The following EGFL7 variants were observed in gnomAD, a reference collection of about 807,000 sequenced individuals.
EGFL7 encodes the protein EGF like domain multiple 7.
A neutral mutation model predicts 37.1 loss-of-function variants in EGFL7; 48 were observed. That is an observed-to-expected ratio of 1.29 (90% CI 1.03 to 1.65). The LOEUF is 1.65. EGFL7 is among the 40% of genes most tolerant of loss of function. The pLI, the probability that EGFL7 is intolerant of heterozygous loss-of-function variation, is 0.00. For missense variants in EGFL7, 384 were observed against 378.9 expected (o/e 1.01, Z -0.11); for synonymous variants, 180 against 156.8 (o/e 1.15, Z -1.10).
intron 5 of EGFL7, among the ~76,000 whole-genome samples, 199 bp downstream of exon 5, chr9:136,668,872 A>G (rs1300224772): frequency 6.6e-6 from 1 of 152,042 alleles, no homozygotes; most frequent in Non-Finnish European, 1.5e-5. Context: ...CAGTGTCCTA[A>G]TCCTTGCTCT....
At chr9:136,668,779 G>A in intron 5 of EGFL7, 106 bp downstream of exon 5, 1 of 1,048,744 alleles carries the variant, frequency 9.5e-7, no homozygotes, top group Non-Finnish European at 1.4e-6. Context: ...CCCAAGATGG[G>A]AAACTGAGGC....
rs1468185857 is a variant in EGFL7 at position 136,662,997 on chromosome 9, G to A, written c.-464G>A. On this transcript the variant is annotated 5_prime_UTR_variant, in exon 1 of 11. It adds an upstream start codon to the 5' untranslated region. Coordinates refer to ENST00000308874, the MANE Select transcript of EGFL7 (RefSeq NM_016215.5). ...AGGCCAGGCAGGTGGGCCTCAGGAG[G>A]TGCCTCCAGGCGGCCAGTGGGCCTG... is the stretch of plus-strand genomic sequence containing the variant. 6.6e-6 allele frequency: 1 copy of A among 152,392 alleles called. No individual in the cohort carries two copies. Among genetic ancestry groups the A allele is most frequent in the Non-Finnish European group, 1.5e-5 (1 of 68,142 alleles). 9.4% of individuals were successfully genotyped at this position (152,392 alleles called of 1,614,324 possible). A position where few individuals can be genotyped will look rare whatever the true frequency, so the allele number is the denominator to read the frequency against.
rs377738445 is a variant in EGFL7, at chr9:136,671,407, G to A, written c.636+393G>A. ...CCGTAGTCTCCTGGGACATGGTCCC[G>A]ACCCACGGATGGCTGGGGGTGGTCT... On this transcript the variant is annotated intron_variant, in intron 9 of 10. Coordinates refer to ENST00000308874, the MANE Select transcript of EGFL7 (RefSeq NM_016215.5). Among the ~76,000 whole-genome samples, 7 of 152,138 alleles carry A rather than the reference G, an allele frequency of 4.6e-5. No individual in the cohort carries two copies. In the South Asian group the frequency reaches 8.3e-4, roughly 18 times the overall value.
At chr9:136,663,953 C>A (rs1227576838) in intron 2 of EGFL7, among the ~76,000 whole-genome samples, 1 of 152,216 alleles carries the variant, frequency 6.6e-6, no homozygotes, top group Non-Finnish European at 1.5e-5. Flanking sequence ...CAGACTCAGG[C>A]AGGAGAGGTG....
upstream of EGFL7, among the ~76,000 whole-genome samples, chr9:136,659,938 A>C (rs1324108399): frequency 6.6e-6 from 1 of 152,104 alleles, no homozygotes; most frequent in African/African-American, 2.4e-5. Context: ...AGGTGAGGGG[A>C]GGAGGCCAGG....
chr9:136,670,009 G>A lies in EGFL7; in HGVS notation c.409G>A (p.Asp137Asn), dbSNP rs1398303422. ...AGWRGDTCQS[D>N]VDECSARRGG... The stretch of plus-strand genomic sequence containing the variant: ...ATGGCGGGGTGACACTTGCCAGTCA[G>A]GTGAGGCTGGCTCTACCCTGGGGGG... Residue 137 changes from aspartate to asparagine, a missense_variant and splice_region_variant, in exon 7 of 11, where the codon GAT becomes AAT. By Grantham distance (23) the Asp-to-Asn change is conservative. Coordinates refer to ENST00000308874, the MANE Select transcript of EGFL7 (RefSeq NM_016215.5). The A allele has an allele frequency of 1.3e-6, 2 of 1,593,958 alleles. No individual in the cohort carries two copies. Among genetic ancestry groups the A allele is most frequent in the Admixed American group, 3.4e-5 (2 of 59,100 alleles).
rs972971680 is a variant in EGFL7 at position 136,663,509 on chromosome 9, C to A, written c.-251C>A. The A allele has an allele frequency of 6.6e-6, 1 of 152,412 alleles. No individual in the cohort carries two copies. The highest frequency in any genetic ancestry group is 1.5e-5 in the Non-Finnish European group (1 of 68,066). 9.4% of individuals were successfully genotyped at this position (152,412 alleles called of 1,614,324 possible). On this transcript the variant is annotated 5_prime_UTR_variant, in exon 2 of 11. Coordinates refer to ENST00000308874, the MANE Select transcript of EGFL7 (RefSeq NM_016215.5). ...GTCCCGAGGGCTGAGGTCTCCTCAT[C>A]TTCTCCCTAGCAGTGGATGAGCAAC... is the stretch of plus-strand genomic sequence containing the variant.
upstream of EGFL7, among the ~76,000 whole-genome samples, chr9:136,659,954 G>C (rs1387663079): frequency 6.6e-6 from 1 of 152,098 alleles, no homozygotes; most frequent in African/African-American, 2.4e-5. Flanking sequence ...CCAGGCGTGG[G>C]GCCCGGCCTG....
Position 136,672,158 on chromosome 9 carries a change from G to A in EGFL7, c.799+70G>A, listed in dbSNP as rs796324443. On this transcript the variant is annotated intron_variant, in intron 10 of 10. Coordinates refer to ENST00000308874, the MANE Select transcript of EGFL7 (RefSeq NM_016215.5). Reference sequence around the variant, plus strand: ...CAGTGGGCCTAGAGGGGCTACCCAGGCTTGGGGGTCGGGGGCGACCAAAGG... The same window carrying A: ...CAGTGGGCCTAGAGGGGCTACCCAGACTTGGGGGTCGGGGGCGACCAAAGG... 20 of 1,587,534 alleles carry A rather than the reference G, an allele frequency of 1.3e-5. No individual in the cohort carries two copies. The African/African-American group carries it at 2.6e-4, about 20-fold the overall frequency.
chr9:136,668,789 C>T (rs1845649202), intron 5 of EGFL7, 116 bp downstream of exon 5: 1 of 983,534 alleles, frequency 1.0e-6, no homozygotes, highest in Non-Finnish European at 1.6e-6. Context: ...GAAACTGAGG[C>T]CAGAGCCATG....
chr9:136,662,494 C>T (rs1343223070), upstream of EGFL7, among the ~76,000 whole-genome samples: 1 of 151,484 alleles, frequency 6.6e-6, no homozygotes, highest in Non-Finnish European at 1.5e-5. Flanking sequence ...AGCTCCCGTG[C>T]TGTGTCACAC....
chr9:136,672,110 A>G (rs1184356974), intron 10 of EGFL7, 22 bp downstream of exon 10: 1 of 1,549,276 alleles, frequency 6.5e-7, no homozygotes, highest in South Asian at 1.2e-5. Context: ...CACCCTCCAG[A>G]GCCCTCCTCC....
intron 4 of EGFL7, 43 bp downstream of exon 4, chr9:136,668,405 G>A (rs546221395): frequency 1.8e-5 from 28 of 1,537,692 alleles, no homozygotes; most frequent in Middle Eastern, 1.8e-4. Context: ...TGGGGGGACC[G>A]GGAGCCCTCA....
intron 5 of EGFL7, 59 bp from the exon 6 acceptor site, chr9:136,669,547 C>T (rs1308985861): frequency 7.6e-7 from 1 of 1,308,608 alleles, no homozygotes; most frequent in Non-Finnish European, 1.1e-6. Context: ...CTCTAGATGC[C>T]CAGCAGGTGA....
At chr9:136,669,834 G>A (rs1294214241) in intron 6 of EGFL7, 80 bp from the exon 7 acceptor site, 2 of 1,450,890 alleles carry the variant, frequency 1.4e-6, no homozygotes, top group Non-Finnish European at 1.9e-6. Context: ...CCTTGCCGCA[G>A]AGCACCCACT....
In EGFL7 at chr9:136,672,479, C is replaced by T; in HGVS notation, c.*193C>T. ...CTGGCATGGGATGGGCTGGGATCTT[C>T]TCTGTGAATCCACCCCTGGCTACCC... is the stretch of plus-strand genomic sequence containing the variant. On this transcript the variant is annotated 3_prime_UTR_variant, in exon 11 of 11. Transcript: ENST00000308874. The T allele has an allele frequency of 2.9e-6, 2 of 678,204 alleles. No individual in the cohort carries two copies. Among genetic ancestry groups the T allele is most frequent in the Non-Finnish European group, 5.0e-6 (2 of 403,074 alleles). The allele number at this position is 678,204 out of a possible 1,614,324, so 42.0% of individuals were successfully genotyped here. A position where few individuals can be genotyped will look rare whatever the true frequency, so the allele number is the denominator to read the frequency against.
intron 8 of EGFL7, 137 bp from the exon 9 acceptor site, chr9:136,670,813 C>A: frequency 1.2e-6 from 1 of 862,312 alleles, no homozygotes; most frequent in Non-Finnish European, 1.9e-6. Context: ...CTCTGGCCAG[C>A]GCCAGGCAGG....
Position 136,672,083 on chromosome 9 carries a change from G to A in EGFL7, c.794G>A (p.Gly265Glu), listed in dbSNP as rs1369993058. Residue 265 changes from glycine (G) to glutamate (E), a missense_variant, in exon 10 of 11, where the codon GGG becomes GAG. Coordinates refer to ENST00000308874, the MANE Select transcript of EGFL7 (RefSeq NM_016215.5). ...EQISFLEEQLGSCSCKKDS is the reference protein window; with the variant it reads ...EQISFLEEQLESCSCKKDS ...ATTTCCTTCCTGGAGGAGCAGCTGG[G>A]GTCCTGTGAGTGCCCCCACCCTCCA... The A allele has an allele frequency of 1.4e-5, 22 of 1,546,278 alleles. No individual in the cohort carries two copies. Among genetic ancestry groups the A allele is most frequent in the Non-Finnish European group, 1.9e-5 (22 of 1,146,384 alleles).
intron 7 of EGFL7, 56 bp from the exon 8 acceptor site, chr9:136,670,113 T>G (rs1036174057): frequency 2.2e-5 from 35 of 1,610,066 alleles, no homozygotes; most frequent in Non-Finnish European, 3.0e-5. Flanking sequence ...TGAAGGGAGC[T>G]GTGTGGGCAG....
Sources: allele counts gnomAD v4.1 joint callset (sites outside exome capture counted in the v4.1 genomes callset), GRCh38; gene constraint gnomAD v4.1.1; transcripts MANE v1.5; gene names NCBI Gene and HGNC (gene_info 2026-07-23, HGNC 2026-07-21).